SEC23IP: variants seen among roughly 807,000 people sequenced by gnomAD.
The protein encoded by SEC23IP is SEC23 interacting protein.
SEC23IP carries 70 observed loss-of-function variants against 113.4 expected under a neutral mutation model. The observed-to-expected ratio is 0.62, with a 90% CI of 0.51 to 0.75. The LOEUF (loss-of-function observed/expected upper bound fraction) is 0.75, where lower values mean the gene tolerates loss of function less well. Among genes scored for constraint, SEC23IP ranks in the 30% least tolerant of loss-of-function variants. The pLI is 0.00. For missense variants in SEC23IP, 1,160 were observed against 1,204.9 expected, an observed-to-expected ratio of 0.96 and a Z score of 0.55; for synonymous variants, 398 against 421.0, an observed-to-expected ratio of 0.95 and a Z score of 0.67.
intron 12 of SEC23IP, among the ~76,000 whole-genome samples, chr10:119,923,474 A>G (rs1855315554): frequency 6.6e-6 from 1 of 151,692 alleles, no homozygotes; most frequent in Non-Finnish European, 1.5e-5. Flanking sequence ...TTTTTAAAGC[A>G]TCTTAGTAAT....
Position 119,929,623 on chromosome 10 carries a change from A to G in SEC23IP, c.2330A>G (p.Asn777Ser). ...VGAGQVSVAY[N>S]SLDFEPEIFF... ...TCTTTCCAGGTTTCTGTTGCTTACA[A>G]CTCATTAGATTTTGAACCAGAGATA... The change falls in exon 14 of 19, where the codon AAC (asparagine) becomes AGC (serine). Residue 777 changes from asparagine to serine, a missense_variant. Coordinates refer to ENST00000369075, the MANE Select transcript of SEC23IP (RefSeq NM_007190.4). 1 of 1,610,406 alleles carries G rather than the reference A, an allele frequency of 6.2e-7. No homozygotes were observed. Among genetic ancestry groups the G allele is most frequent in the Admixed American group, 1.7e-5 (1 of 59,896 alleles).
At chr10:119,918,993 C>A in intron 10 of SEC23IP, among the ~76,000 whole-genome samples, 1 of 73,256 alleles carries the variant, frequency 1.4e-5, no homozygotes. Context: ...TCAGAATATT[C>A]AATTTTTTTT....
intron 14 of SEC23IP, among the ~76,000 whole-genome samples, chr10:119,930,036 T>G (rs898719819): frequency 6.6e-6 from 1 of 152,068 alleles, no homozygotes; most frequent in Non-Finnish European, 1.5e-5. Flanking sequence ...AATTAATACC[T>G]ATCTTGATTT....
chr10:119,894,110 A>C (rs967974842), intron 1 of SEC23IP, among the ~76,000 whole-genome samples: 1 of 152,178 alleles, frequency 6.6e-6, no homozygotes, highest in Non-Finnish European at 1.5e-5. Flanking sequence ...GTAATTAGAA[A>C]TGCTTTAATT....
In SEC23IP at chr10:119,905,781, G is replaced by A. The variant is rs1417490419; in HGVS notation, c.1101+1504G>A. ...AATACAAGAGTTTTTTTGCAAGTCC[G>A]TGTATATAAAATTAACATACGTAAA... On this transcript the variant is annotated intron_variant, in intron 4 of 18. Transcript: ENST00000369075. 3.3e-5 allele frequency among the ~76,000 whole-genome samples: 5 copies of A among 152,066 alleles called. No homozygotes were observed. In the East Asian group the frequency reaches 5.8e-4, roughly 18 times the overall value.
chr10:119,928,413 A>G (rs1564922548), intron 13 of SEC23IP, among the ~76,000 whole-genome samples: 1 of 152,246 alleles, frequency 6.6e-6, no homozygotes, highest in African/African-American at 2.4e-5. Flanking sequence ...ATTTGCAAAT[A>G]TAAGGGCAAG....
At chr10:119,915,026 A>G (rs538255722) in intron 7 of SEC23IP, among the ~76,000 whole-genome samples, 1 of 152,262 alleles carries the variant, frequency 6.6e-6, no homozygotes, top group East Asian at 1.9e-4. Flanking sequence ...GACTGTGAGG[A>G]ATTAGAAGGG....
chr10:119,895,037 A>G (rs1481094206), intron 1 of SEC23IP, among the ~76,000 whole-genome samples: 2 of 152,162 alleles, frequency 1.3e-5, no homozygotes, highest in Non-Finnish European at 2.9e-5. Flanking sequence ...CCTGGAAGCA[A>G]CAGTTAATCA....
In SEC23IP at chr10:119,933,084, C is replaced by T; in HGVS notation, c.2838C>T (p.Arg946=). Residue 946 remains arginine (R), a synonymous_variant, in exon 17 of 19, where the codon CGC becomes CGT. Coordinates refer to ENST00000369075, the MANE Select transcript of SEC23IP (RefSeq NM_007190.4). The part of the protein sequence containing the change: ...LGKVGMLNGG[R]RIDYVLQEKP... Reference sequence around the variant, plus strand: ...AGGTTGGAATGTTAAATGGAGGCCGCCGAATTGACTACGTTCTCCAAGAAA... The same window carrying T: ...AGGTTGGAATGTTAAATGGAGGCCGTCGAATTGACTACGTTCTCCAAGAAA... 1.2e-6 allele frequency: 2 copies of T among 1,613,864 alleles called. No homozygotes were observed. Among genetic ancestry groups the T allele is most frequent in the Non-Finnish European group, 1.7e-6 (2 of 1,179,748 alleles).
At chr10:119,896,000 A>G (rs1854272056) in intron 1 of SEC23IP, among the ~76,000 whole-genome samples, 1 of 152,218 alleles carries the variant, frequency 6.6e-6, no homozygotes, top group Admixed American at 6.5e-5. Flanking sequence ...CGTGTGTTTC[A>G]GAAAGACTGG....
chr10:119,915,655 A>AT (rs1244558522), intron 7 of SEC23IP, 93 bp from the exon 8 acceptor site: 10 of 867,304 alleles, frequency 1.2e-5, no homozygotes, highest in Non-Finnish European at 1.6e-5. Context: ...TCTTTATGTT[A>AT]TTAAAAATAC....
Position 119,932,235 on chromosome 10 carries a change from A to G in SEC23IP, c.2675A>G (p.His892Arg). The change falls in exon 16 of 19, where the codon CAT (histidine) becomes CGT (arginine). Residue 892 changes from histidine (H) to arginine (R), a missense_variant. Physicochemically the swap from His to Arg is conservative, Grantham distance 29 (BLOSUM62 0). Coordinates refer to ENST00000369075, the MANE Select transcript of SEC23IP (RefSeq NM_007190.4). ...WQTLNEFARA[H>R]TSSTQLQEEL... ...ACATTAAATGAGTTTGCCCGTGCTC[A>G]TACGTCTTCAACCCAGTTGCAAGAA... 6.2e-7 allele frequency: 1 copy of G among 1,614,050 alleles called. No homozygotes were observed. Among genetic ancestry groups the G allele is most frequent in the Non-Finnish European group, 8.5e-7 (1 of 1,179,880 alleles).
Position 119,904,105 on chromosome 10 carries a change from T to A in SEC23IP, c.929T>A (p.Val310Glu), listed in dbSNP as rs759140837. The A allele has an allele frequency of 1.9e-6, 3 of 1,614,038 alleles. No homozygotes were observed. The African/African-American group carries it at 4.0e-5, about 22-fold the overall frequency. The change falls in exon 4 of 19, where the codon GTG becomes GAG. Residue 310 changes from valine (V) to glutamate (E), a missense_variant. Val to Glu is a moderately radical substitution (Grantham distance 121). Transcript: ENST00000369075. ...YNSVQPDPES[V>E]VLGTDGGRYD... ...CTAGTTCAGCCAGATCCGGAGAGCG[T>A]GGTTCTTGGCACGGATGGAGGGCGC... is the stretch of plus-strand genomic sequence containing the variant.
intron 6 of SEC23IP, among the ~76,000 whole-genome samples, chr10:119,913,517 G>T (rs1248401933): frequency 6.8e-6 from 1 of 147,216 alleles, no homozygotes; most frequent in African/African-American, 2.5e-5. Flanking sequence ...TTTGAATGGA[G>T]TCTCACTCTG....
At chr10:119,926,465 G>T (rs1006433260) in intron 13 of SEC23IP, among the ~76,000 whole-genome samples, 1 of 152,064 alleles carries the variant, frequency 6.6e-6, no homozygotes, top group African/African-American at 2.4e-5. Context: ...TTTTCCCACC[G>T]CTCATACTTT....
At chr10:119,927,752 A>G (rs1237349056) in intron 13 of SEC23IP, among the ~76,000 whole-genome samples, 2 of 152,258 alleles carry the variant, frequency 1.3e-5, no homozygotes, top group Non-Finnish European at 2.9e-5. Context: ...TCAACCCATC[A>G]TATTAAACAT....
chr10:119,898,126 T>C (rs1249913011), intron 1 of SEC23IP: 3 of 234,568 alleles, frequency 1.3e-5, no homozygotes, highest in Non-Finnish European at 2.4e-5. Context: ...ATTTTAGAAG[T>C]ATGGAAGGGT....
intron 7 of SEC23IP, 83 bp from the exon 8 acceptor site, chr10:119,915,665 C>A: frequency 1.1e-6 from 1 of 907,482 alleles, no homozygotes; most frequent in Non-Finnish European, 1.5e-6. Flanking sequence ...ATTAAAAATA[C>A]TGGCATATTT....
intron 13 of SEC23IP, among the ~76,000 whole-genome samples, chr10:119,928,178 G>A (rs1855483214): frequency 6.6e-6 from 1 of 152,134 alleles, no homozygotes; most frequent in Non-Finnish European, 1.5e-5. Context: ...TTGAGCACTA[G>A]TGAGGTTATT....
Sources: gnomAD v4.1 joint callset for allele counts (sites outside exome capture counted in the v4.1 genomes callset) on GRCh38, gnomAD v4.1.1 for gene constraint, MANE v1.5 for transcripts, NCBI Gene and HGNC (gene_info 2026-07-23, HGNC 2026-07-21) for gene names.